WWOX: variants seen among roughly 807,000 people sequenced by gnomAD.
WWOX encodes the protein WW domain-containing oxidoreductase.
WWOX carries 69 observed loss-of-function variants against 46.2 expected under a neutral mutation model. The observed-to-expected ratio is 1.49, with a 90% CI of 1.23 to 1.82. The LOEUF is 1.82. Ranked by LOEUF, WWOX falls within the 40% of genes most tolerant of loss-of-function variation. The pLI is 0.00. For missense variants in WWOX, 919 were observed against 542.6 expected (o/e 1.69, Z -6.89); for synonymous variants, 359 against 202.6 (o/e 1.77, Z -6.56).
chr16:78,680,789 G>T (rs570701064), intron 8 of WWOX, among the ~76,000 whole-genome samples: 4 of 152,174 alleles, frequency 2.6e-5, no homozygotes, highest in African/African-American at 9.6e-5. Flanking sequence ...CCCAGTGTTG[G>T]GCACAGTACC....
intron 8 of WWOX, among the ~76,000 whole-genome samples, chr16:79,124,291 G>A (rs890189098): frequency 2.6e-5 from 4 of 152,048 alleles, no homozygotes; most frequent in Admixed American, 1.3e-4. Context: ...AAGCATCCGC[G>A]CTTGCATGGA....
intron 8 of WWOX, among the ~76,000 whole-genome samples, chr16:79,133,029 CT>C (rs1424968363): frequency 6.6e-6 from 1 of 152,202 alleles, no homozygotes; most frequent in Non-Finnish European, 1.5e-5. Flanking sequence ...GATTTTCCTT[CT>C]GGCTTTGCAT....
At chr16:78,856,961 C>T (rs773582968) in intron 8 of WWOX, among the ~76,000 whole-genome samples, 4 of 152,154 alleles carry the variant, frequency 2.6e-5, no homozygotes, top group African/African-American at 7.2e-5. Context: ...CAAACATGTA[C>T]AGCATGTTTC....
At chr16:78,687,263 G>T (rs909055156) in intron 8 of WWOX, among the ~76,000 whole-genome samples, 2 of 152,112 alleles carry the variant, frequency 1.3e-5, no homozygotes, top group African/African-American at 4.8e-5. Flanking sequence ...AACCCAATAT[G>T]TTCTTAACAT....
At chr16:78,977,568 C>T (rs1027504144) in intron 8 of WWOX, among the ~76,000 whole-genome samples, 1 of 147,562 alleles carries the variant, frequency 6.8e-6, no homozygotes, top group African/African-American at 2.5e-5. Context: ...TTTCCTTTTT[C>T]TTTGAGGGGC....
chr16:78,852,473 C>G (rs1485430665), intron 8 of WWOX, among the ~76,000 whole-genome samples: 1 of 152,148 alleles, frequency 6.6e-6, no homozygotes, highest in African/African-American at 2.4e-5. Flanking sequence ...ACAGTCAGAC[C>G]AGATTGCCAG....
rs967232805 is a variant in WWOX at position 79,006,449 on chromosome 16, C to G, written c.1057-205159C>G. Among the ~76,000 whole-genome samples, 5 of 151,732 alleles carry G rather than the reference C, an allele frequency of 3.3e-5. No individual in the cohort carries two copies. The South Asian group carries it at 1.0e-3, about 31-fold the overall frequency. On this transcript the variant is annotated intron_variant, in intron 8 of 8. Coordinates refer to ENST00000566780, the MANE Select transcript of WWOX (RefSeq NM_016373.4). ...AGGTGCCAGGTTAGAGTTTCGGTTT[C>G]TAAGCTGTAGATAACAAAAATTTCT...
At chr16:78,733,054 A>G (rs1361544887) in intron 8 of WWOX, among the ~76,000 whole-genome samples, 3 of 152,096 alleles carry the variant, frequency 2.0e-5, no homozygotes, top group Admixed American at 6.6e-5. Flanking sequence ...TCACATTTTA[A>G]TAATGTAAAA....
intron 6 of WWOX, among the ~76,000 whole-genome samples, chr16:78,397,941 C>G (rs769459493): frequency 3.9e-5 from 6 of 152,180 alleles, no homozygotes; most frequent in Non-Finnish European, 8.8e-5. Context: ...TATTTTCCAA[C>G]CAATCAAGAG....
chr16:78,243,456 T>C (rs1046831324), intron 5 of WWOX, among the ~76,000 whole-genome samples: 2 of 152,156 alleles, frequency 1.3e-5, no homozygotes, highest in African/African-American at 4.8e-5. Context: ...GATTCTTTTG[T>C]CACCCAGGTC....
At chr16:78,287,628 A>C (rs973831421) in intron 5 of WWOX, among the ~76,000 whole-genome samples, 2 of 151,800 alleles carry the variant, frequency 1.3e-5, no homozygotes, top group Non-Finnish European at 2.9e-5. Flanking sequence ...CTGTTTTCTG[A>C]TGGCTTAACA....
At chr16:78,534,497 C>A (rs759697979) in intron 8 of WWOX, 2 of 152,068 alleles carry the variant, frequency 1.3e-5, no homozygotes, top group Non-Finnish European at 2.9e-5. Context: ...CTCATTTCTG[C>A]CTTTAAAAAA....
chr16:78,252,300 A>G (rs1316960183), intron 5 of WWOX, among the ~76,000 whole-genome samples: 1 of 152,238 alleles, frequency 6.6e-6, no homozygotes, highest in Non-Finnish European at 1.5e-5. Context: ...GTATATGTGC[A>G]TACACATACA....
intron 5 of WWOX, among the ~76,000 whole-genome samples, chr16:78,197,122 G>C (rs921149916): frequency 1.3e-5 from 2 of 152,090 alleles, no homozygotes; most frequent in Non-Finnish European, 2.9e-5. Flanking sequence ...CTTATTCCTT[G>C]GTACCTCTGC....
chr16:78,923,900 T>C (rs528121414), intron 8 of WWOX, among the ~76,000 whole-genome samples: 12 of 147,988 alleles, frequency 8.1e-5, no homozygotes, highest in African/African-American at 1.2e-4. Flanking sequence ...CCTGGGTTCA[T>C]GCCATTCTCC....
At chr16:78,394,308 T>A (rs1437811086) in intron 6 of WWOX, among the ~76,000 whole-genome samples, 1 of 152,204 alleles carries the variant, frequency 6.6e-6, no homozygotes, top group African/African-American at 2.4e-5. Flanking sequence ...TTTTTTGCTC[T>A]AATGAATGCT....
At chr16:79,150,119 TG>T (rs1388119468) in intron 8 of WWOX, among the ~76,000 whole-genome samples, 41 of 152,360 alleles carry the variant, frequency 2.7e-4, no homozygotes, top group African/African-American at 9.6e-4. Flanking sequence ...GCAATGGCTC[TG>T]GTTCACCAAG....
intron 5 of WWOX, among the ~76,000 whole-genome samples, chr16:78,218,543 A>G (rs1485691802): frequency 1.3e-5 from 2 of 152,196 alleles, no homozygotes; most frequent in Non-Finnish European, 2.9e-5. Flanking sequence ...TTTAAAATTT[A>G]CCGCCAACCC....
chr16:78,803,846 A>G (rs3817671), intron 8 of WWOX, among the ~76,000 whole-genome samples: 19,156 of 152,220 alleles, frequency 0.13, 1,548 homozygotes, highest in Non-Finnish European at 0.18. Flanking sequence ...CAAATAAAAT[A>G]GTCAGAGCTC....
Sources: allele counts gnomAD v4.1 joint callset (sites outside exome capture counted in the v4.1 genomes callset), GRCh38; gene constraint gnomAD v4.1.1; transcripts MANE v1.5; gene names NCBI Gene and HGNC (gene_info 2026-07-23, HGNC 2026-07-21).